The following SGCD variants were observed in gnomAD, a reference collection of about 807,000 sequenced individuals.
SGCD encodes the protein delta-sarcoglycan.
In SGCD, 18 loss-of-function variants were observed where a neutral mutation model predicts 36.6. That is an observed-to-expected ratio of 0.49 (90% CI 0.34 to 0.73). SGCD has a LOEUF of 0.73. Ranked by LOEUF, SGCD falls within the 30% of genes least tolerant of loss-of-function variation. SGCD has a pLI of 0.01. For synonymous variants in SGCD, 133 were observed against 130.6 expected, an observed-to-expected ratio of 1.02 and a Z score of -0.12; for missense variants, 387 against 346.7, an observed-to-expected ratio of 1.12 and a Z score of -0.92.
intron 3 of SGCD, among the ~76,000 whole-genome samples, chr5:156,138,604 A>G (rs565411028): frequency 1.3e-5 from 2 of 152,328 alleles, no homozygotes; most frequent in Admixed American, 6.5e-5. Flanking sequence ...CTTTTGATAG[A>G]CATCTGGCTG....
rs1754349035 is a variant in SGCD at position 156,458,461 on chromosome 5, G to A, written c.193-50140G>A. On this transcript the variant is annotated intron_variant, in intron 3 of 8. Transcript: ENST00000337851. ...TCAAACCCTGATTCCCATCCCCATG[G>A]CAGCTCATCCCCAACACAGTCAGCA... 29 of 1,609,930 alleles carry A rather than the reference G, an allele frequency of 1.8e-5. No individual in the cohort carries two copies. The South Asian group carries it at 3.0e-4, about 16-fold the overall frequency.
intron 1 of SGCD, among the ~76,000 whole-genome samples, chr5:155,992,378 C>T (rs76333318): frequency 0.022 from 3,350 of 152,172 alleles, 127 homozygotes; most frequent in African/African-American, 0.074. Flanking sequence ...ATTTGGAAAC[C>T]GTAGCTTGTC....
At chr5:156,632,835 G>A (rs146787996) in intron 6 of SGCD, among the ~76,000 whole-genome samples, 9 of 152,170 alleles carry the variant, frequency 5.9e-5, no homozygotes, top group Non-Finnish European at 1.3e-4. Flanking sequence ...TCAAACATGG[G>A]TATATGGAGA....
At chr5:156,754,599 G>A (rs1041712465) in intron 7 of SGCD, among the ~76,000 whole-genome samples, 6 of 152,120 alleles carry the variant, frequency 3.9e-5, no homozygotes, top group Non-Finnish European at 5.9e-5. Flanking sequence ...GAACTAATAT[G>A]GTATAAACAA....
chr5:156,032,587 A>G (rs1313967027), intron 1 of SGCD, among the ~76,000 whole-genome samples: 1 of 151,400 alleles, frequency 6.6e-6, no homozygotes, highest in Non-Finnish European at 1.5e-5. Context: ...GCGTGGTGGC[A>G]GGCGCCGGTA....
intron 7 of SGCD, among the ~76,000 whole-genome samples, chr5:156,727,728 G>A (rs462058): frequency 0.89 from 136,005 of 152,236 alleles, 60,820 homozygotes; most frequent in African/African-American, 0.93. Context: ...AATATTACAT[G>A]AGTCATGAAC....
At chr5:156,471,780 ATTAG>A (rs1001057373) in intron 3 of SGCD, among the ~76,000 whole-genome samples, 37 of 152,252 alleles carry the variant, frequency 2.4e-4, no homozygotes, top group Middle Eastern at 3.4e-3. Context: ...ACATAAAAAA[ATTAG>A]TTAGACTTTC....
At chr5:156,216,248 G>C (rs1764570351) in intron 3 of SGCD, among the ~76,000 whole-genome samples, 2 of 152,136 alleles carry the variant, frequency 1.3e-5, no homozygotes, top group African/African-American at 4.8e-5. Context: ...AAGAGATCTA[G>C]TGTACAACAA....
intron 4 of SGCD, 148 bp downstream of exon 4, chr5:156,508,850 G>C (rs1022868344): frequency 3.7e-6 from 2 of 542,892 alleles, no homozygotes; most frequent in Non-Finnish European, 6.5e-6. Flanking sequence ...CTGAATCTTT[G>C]AGTATCATCA....
At chr5:156,365,042 G>T (rs1481852518) in intron 3 of SGCD, among the ~76,000 whole-genome samples, 5 of 152,262 alleles carry the variant, frequency 3.3e-5, no homozygotes, top group African/African-American at 1.2e-4. Flanking sequence ...AGTTTAAAAA[G>T]GGACTTCTGA....
rs183613682 is a variant in SGCD, at chr5:156,511,244, C to A, written c.294+2542C>A. Among the ~76,000 whole-genome samples the A allele has an allele frequency of 3.9e-5, 6 of 152,162 alleles. No individual in the cohort carries two copies. In the East Asian group the frequency reaches 1.2e-3, roughly 29 times the overall value. On this transcript the variant is annotated intron_variant, in intron 4 of 8. Transcript: ENST00000337851. ...TATCTTCTAACTGAAGGAGAAAATA[C>A]ACAGATATGCATACATAATAAAATC...
At chr5:156,196,936 A>C (rs1764036951) in intron 3 of SGCD, among the ~76,000 whole-genome samples, 1 of 152,160 alleles carries the variant, frequency 6.6e-6, no homozygotes, top group South Asian at 2.1e-4. Context: ...AAAATGACAT[A>C]TGGACTATGC....
intron 7 of SGCD, among the ~76,000 whole-genome samples, chr5:156,725,754 G>A (rs1219241398): frequency 6.6e-6 from 1 of 152,182 alleles, no homozygotes; most frequent in Admixed American, 6.5e-5. Context: ...GGGGTTATGG[G>A]AACAGAGTTT....
intron 1 of SGCD, among the ~76,000 whole-genome samples, chr5:155,979,501 T>C (rs1758183518): frequency 6.6e-6 from 1 of 152,132 alleles, no homozygotes; most frequent in African/African-American, 2.4e-5. Flanking sequence ...CTGAGATCAA[T>C]ACATGTGGAA....
intron 4 of SGCD, among the ~76,000 whole-genome samples, chr5:156,560,351 G>A (rs1158836861): frequency 6.6e-6 from 1 of 152,176 alleles, no homozygotes; most frequent in Non-Finnish European, 1.5e-5. Context: ...TCGATGGCAT[G>A]TAATTAAATT....
chr5:155,768,034 T>A, the SGCD span, among the ~76,000 whole-genome samples: 1 of 152,198 alleles, frequency 6.6e-6, no homozygotes, highest in African/African-American at 2.4e-5. Flanking sequence ...TGGACCCCTG[T>A]ACTTCTTAAA....
At chr5:156,083,775 T>G (rs189475164) in intron 1 of SGCD, among the ~76,000 whole-genome samples, 2 of 150,616 alleles carry the variant, frequency 1.3e-5, no homozygotes, top group Admixed American at 6.6e-5. Context: ...TAGATCAGGT[T>G]TTTTTTTTGT....
chr5:156,084,300 G>A (rs971244349), intron 1 of SGCD, among the ~76,000 whole-genome samples: 1 of 152,046 alleles, frequency 6.6e-6, no homozygotes, highest in African/African-American at 2.4e-5. Flanking sequence ...TAGTATATAA[G>A]TACTATGCAT....
At chr5:156,690,201 C>G (rs1265084728) in intron 7 of SGCD, among the ~76,000 whole-genome samples, 1 of 152,074 alleles carries the variant, frequency 6.6e-6, no homozygotes, top group African/African-American at 2.4e-5. Context: ...GCAGAGGAAC[C>G]AGGGAGGAAG....
Sources: gnomAD v4.1 joint callset for allele counts (sites outside exome capture counted in the v4.1 genomes callset) on GRCh38, gnomAD v4.1.1 for gene constraint, MANE v1.5 for transcripts, NCBI Gene and HGNC (gene_info 2026-07-23, HGNC 2026-07-21) for gene names.